The following CACNG2 variants were observed in gnomAD, a reference collection of about 807,000 sequenced individuals.
CACNG2 encodes the protein calcium voltage-gated channel auxiliary subunit gamma 2.
A neutral mutation model predicts 25.9 loss-of-function variants in CACNG2; 3 were observed. The observed-to-expected ratio is 0.12, with a 90% CI of 0.05 to 0.30. The LOEUF is 0.30. CACNG2 is among the 10% of genes least tolerant of loss of function. The pLI is 1.00. For synonymous variants in CACNG2, 167 were observed against 173.3 expected (o/e 0.96, Z 0.29); for missense variants, 341 against 432.5 (o/e 0.79, Z 1.88).
At chr22:36,684,709 C>A (rs1305815499) in intron 1 of CACNG2, among the ~76,000 whole-genome samples, 1 of 152,036 alleles carries the variant, frequency 6.6e-6, no homozygotes, top group Non-Finnish European at 1.5e-5. Flanking sequence ...AGCCTTCACT[C>A]AGTATGCAAC....
intron 1 of CACNG2, among the ~76,000 whole-genome samples, chr22:36,669,191 T>C (rs1936914700): frequency 6.6e-6 from 1 of 152,042 alleles, no homozygotes; most frequent in Non-Finnish European, 1.5e-5. Flanking sequence ...ATGTCTTGTG[T>C]CTAGACTCTG....
chr22:36,601,659 A>G (rs2145932293), intron 1 of CACNG2, among the ~76,000 whole-genome samples: 1 of 152,034 alleles, frequency 6.6e-6, no homozygotes, highest in East Asian at 1.9e-4. Flanking sequence ...TAATTTTTGT[A>G]TTTTTAGTAG....
intron 1 of CACNG2, among the ~76,000 whole-genome samples, chr22:36,697,968 G>A (rs1490576542): frequency 6.6e-6 from 1 of 151,914 alleles, no homozygotes; most frequent in Non-Finnish European, 1.5e-5. Context: ...ACCTTTCCTT[G>A]AATAATTTGC....
At chr22:36,588,630 G>A (rs990332229) in intron 1 of CACNG2, among the ~76,000 whole-genome samples, 1 of 152,228 alleles carries the variant, frequency 6.6e-6, no homozygotes, top group African/African-American at 2.4e-5. Context: ...TGCACAGCCA[G>A]ACTGCCTGGG....
chr22:36,699,495 A>G (rs911128827), intron 1 of CACNG2, among the ~76,000 whole-genome samples: 24 of 152,020 alleles, frequency 1.6e-4, no homozygotes, highest in Admixed American at 1.4e-3. Flanking sequence ...CAGGAGACAA[A>G]AAGCCCTAAT....
intron 1 of CACNG2, among the ~76,000 whole-genome samples, chr22:36,662,320 C>T (rs1936810617): frequency 6.6e-6 from 1 of 152,152 alleles, no homozygotes; most frequent in African/African-American, 2.4e-5. Flanking sequence ...GAAGCGGTTA[C>T]AGCGATCACA....
At chr22:36,574,923 G>C (rs558623856) in intron 2 of CACNG2, among the ~76,000 whole-genome samples, 1 of 152,342 alleles carries the variant, frequency 6.6e-6, no homozygotes, top group African/African-American at 2.4e-5. Flanking sequence ...GGGCAGTTGG[G>C]TGTGCAGATG....
intron 1 of CACNG2, among the ~76,000 whole-genome samples, chr22:36,635,463 C>T (rs1046859947): frequency 6.6e-6 from 1 of 152,064 alleles, no homozygotes; most frequent in Middle Eastern, 3.2e-3. Context: ...GACAAAGATG[C>T]TTGTTACTGG....
chr22:36,638,495 G>T (rs1275672469), intron 1 of CACNG2, among the ~76,000 whole-genome samples: 1 of 152,088 alleles, frequency 6.6e-6, no homozygotes, highest in African/African-American at 2.4e-5. Flanking sequence ...TCTTGCACTG[G>T]TGCCTTTGCA....
chr22:36,572,594 C>T (rs908066527), intron 2 of CACNG2, among the ~76,000 whole-genome samples: 8 of 151,662 alleles, frequency 5.3e-5, no homozygotes, highest in African/African-American at 1.9e-4. Flanking sequence ...CCCAGCTACT[C>T]GGGAGCCCGA....
intron 1 of CACNG2, among the ~76,000 whole-genome samples, chr22:36,589,253 G>A (rs1935551324): frequency 6.6e-6 from 1 of 152,100 alleles, no homozygotes; most frequent in Admixed American, 6.5e-5. Context: ...GCCTCCCAAA[G>A]TGCTGGGATT....
chr22:36,632,536 G>T (rs1485670705), intron 1 of CACNG2, among the ~76,000 whole-genome samples: 1 of 148,158 alleles, frequency 6.7e-6, no homozygotes, highest in Non-Finnish European at 1.5e-5. Flanking sequence ...TCTCCCATTA[G>T]TATTTCATCT....
At chr22:36,603,164 A>G (rs1935779020) in intron 1 of CACNG2, among the ~76,000 whole-genome samples, 1 of 152,240 alleles carries the variant, frequency 6.6e-6, no homozygotes, top group Non-Finnish European at 1.5e-5. Flanking sequence ...ATTTGCTGAT[A>G]TGGAGAAACT....
At chr22:36,699,987 A>G (rs970790748) in intron 1 of CACNG2, among the ~76,000 whole-genome samples, 3 of 152,250 alleles carry the variant, frequency 2.0e-5, no homozygotes, top group African/African-American at 7.2e-5. Context: ...CCCGGTCAAA[A>G]GCGGGCCCGG....
At chr22:36,574,794 A>T (rs1321987691) in intron 2 of CACNG2, among the ~76,000 whole-genome samples, 1 of 122,244 alleles carries the variant, frequency 8.2e-6, no homozygotes, top group Non-Finnish European at 1.9e-5. Flanking sequence ...ACAAAACAAA[A>T]CAAAACCAAA....
chr22:36,587,419 A>C, intron 2 of CACNG2, 46 bp downstream of exon 2: 55 of 1,297,940 alleles, frequency 4.2e-5, no homozygotes, highest in Non-Finnish European at 5.4e-5. Context: ...ATGGAAGGGC[A>C]GGGCCCACCA....
chr22:36,636,731 G>A (rs1209930418), intron 1 of CACNG2, among the ~76,000 whole-genome samples: 1 of 152,086 alleles, frequency 6.6e-6, no homozygotes, highest in Non-Finnish European at 1.5e-5. Flanking sequence ...TATTCAAGGA[G>A]TTCCCATGAA....
intron 1 of CACNG2, among the ~76,000 whole-genome samples, chr22:36,622,884 G>A (rs1272661327): frequency 2.0e-5 from 3 of 151,362 alleles, no homozygotes; most frequent in Non-Finnish European, 2.9e-5. Context: ...GCTTGAACCC[G>A]GGAGGCAGAG....
intron 1 of CACNG2, among the ~76,000 whole-genome samples, chr22:36,613,963 C>T (rs761496424): frequency 5.9e-5 from 9 of 152,100 alleles, no homozygotes; most frequent in Admixed American, 1.3e-4. Flanking sequence ...CCCTACCAAC[C>T]GTTCCCTGCA....
Sources: gnomAD v4.1 joint callset for allele counts (sites outside exome capture counted in the v4.1 genomes callset) on GRCh38, gnomAD v4.1.1 for gene constraint, MANE v1.5 for transcripts, NCBI Gene and HGNC (gene_info 2026-07-23, HGNC 2026-07-21) for gene names.